The following ZNF469 variants were observed in gnomAD, a reference collection of about 807,000 sequenced individuals.
ZNF469 encodes zinc finger protein 469.
In ZNF469, 1 loss-of-function variant was observed where a neutral mutation model predicts 1.0. That is an observed-to-expected ratio of 1.00 (90% CI 0.35 to 4.73). ZNF469 has a LOEUF of 4.73. Ranked by LOEUF, ZNF469 falls within the 30% of genes most tolerant of loss-of-function variation. The probability of loss-of-function intolerance (pLI) is 0.16; values close to 1 mark genes in which losing one functional copy is unlikely to be tolerated. For synonymous variants in ZNF469, 2,703 were observed against 2,363.4 expected, an observed-to-expected ratio of 1.14 and a Z score of -4.17; for missense variants, 6,100 against 5,356.3, an observed-to-expected ratio of 1.14 and a Z score of -4.33.
the ZNF469 span, among the ~76,000 whole-genome samples, chr16:88,111,043 G>T: frequency 3.3e-5 from 5 of 152,224 alleles, no homozygotes; most frequent in African/African-American, 1.2e-4. Flanking sequence ...AGTGTCGAAG[G>T]CCCCTTGCTT....
the ZNF469 span, among the ~76,000 whole-genome samples, chr16:88,235,885 C>G: frequency 2.6e-5 from 4 of 152,182 alleles, no homozygotes; most frequent in South Asian, 6.2e-4. Flanking sequence ...CAGAGTCAGT[C>G]AATACTTGAC....
chr16:88,362,167 G>A, the ZNF469 span, among the ~76,000 whole-genome samples: 40 of 152,132 alleles, frequency 2.6e-4, no homozygotes, highest in Non-Finnish European at 4.4e-5. Context: ...GAATCAGTTT[G>A]TCAATTTCTA....
chr16:88,222,537 C>T, the ZNF469 span, among the ~76,000 whole-genome samples: 176 of 152,308 alleles, frequency 1.2e-3, no homozygotes, highest in African/African-American at 4.1e-3. Flanking sequence ...GCAGGTGGAT[C>T]GCCTGAGGTT....
At chr16:88,290,075 G>A in the ZNF469 span, among the ~76,000 whole-genome samples, 9 of 152,208 alleles carry the variant, frequency 5.9e-5, no homozygotes, top group African/African-American at 1.9e-4. Flanking sequence ...AGACAGCAGC[G>A]ATGGACATCG....
the ZNF469 span, among the ~76,000 whole-genome samples, chr16:88,116,992 C>T: frequency 7.7e-3 from 1,118 of 145,350 alleles, 17 homozygotes; most frequent in African/African-American, 0.027. Context: ...CACACACACA[C>T]CAGGGCATGC....
chr16:88,162,363 C>CA, the ZNF469 span, among the ~76,000 whole-genome samples: 1,497 of 124,040 alleles, frequency 0.012, 13 homozygotes, highest in African/African-American at 0.029. Flanking sequence ...AGACATTCTT[C>CA]AAAAAAAAAA....
chr16:88,262,130 G>C, the ZNF469 span, among the ~76,000 whole-genome samples: 1 of 152,178 alleles, frequency 6.6e-6, no homozygotes, highest in African/African-American at 2.4e-5. The surrounding 1 kb of genome is among the most constrained non-coding windows in gnomAD (Gnocchi z 4.3). Flanking sequence ...CTGGATTGTA[G>C]AGACTATGTC....
chr16:88,137,608 A>G, the ZNF469 span, among the ~76,000 whole-genome samples: 914 of 152,282 alleles, frequency 6.0e-3, 7 homozygotes, highest in Non-Finnish European at 9.5e-3. Context: ...GAATACAGCT[A>G]TGCGTGCATA....
At chr16:88,203,358 G>T in the ZNF469 span, among the ~76,000 whole-genome samples, 1 of 152,160 alleles carries the variant, frequency 6.6e-6, no homozygotes, top group Non-Finnish European at 1.5e-5. Context: ...CACCGTCAGC[G>T]AGTCCGCACA....
the ZNF469 span, among the ~76,000 whole-genome samples, chr16:88,181,721 T>G: frequency 1.3e-5 from 2 of 152,212 alleles, no homozygotes; most frequent in South Asian, 2.1e-4. Flanking sequence ...CTCCAATCAG[T>G]AATCTAAGCT....
chr16:88,390,702 G>C (rs192941371), intron 1 of ZNF469, among the ~76,000 whole-genome samples: 1 of 152,346 alleles, frequency 6.6e-6, no homozygotes, highest in African/African-American at 2.4e-5. Context: ...AGGTAGACTA[G>C]GGAGACAGGC....
chr16:88,187,549 C>A, the ZNF469 span, among the ~76,000 whole-genome samples: 1 of 152,174 alleles, frequency 6.6e-6, no homozygotes, highest in Non-Finnish European at 1.5e-5. Context: ...ACCCCAACAA[C>A]TGCTCCCCAC....
At position 88,409,262 on chromosome 16, in the gene ZNF469, C is replaced by T. The variant is rs116394523; in HGVS notation, c.-191-15545C>T. ...CCCACCTGCAAAGAGGCGATGATGA[C>T]GAGGTCTCTTGGAGCCATCTGTGAA... is the stretch of plus-strand genomic sequence containing the variant. On this transcript the variant is annotated intron_variant, in intron 1 of 2. Transcript: ENST00000565624. 2.3e-3 allele frequency among the ~76,000 whole-genome samples: 345 copies of T among 152,378 alleles called. 2 individuals are homozygous for T. Among genetic ancestry groups the T allele is most frequent in the African/African-American group, 7.2e-3 (298 of 41,590 alleles).
the ZNF469 span, among the ~76,000 whole-genome samples, chr16:88,271,052 G>A: frequency 6.6e-6 from 1 of 152,178 alleles, no homozygotes; most frequent in Non-Finnish European, 1.5e-5. Flanking sequence ...GTGTGACTTG[G>A]AATGAGTCGC....
chr16:88,162,949 G>A, the ZNF469 span, among the ~76,000 whole-genome samples: 5 of 152,244 alleles, frequency 3.3e-5, no homozygotes, highest in Admixed American at 3.3e-4. Flanking sequence ...AAAGTTGGAT[G>A]GACGGATGGT....
At chr16:88,318,265 A>G in the ZNF469 span, among the ~76,000 whole-genome samples, 1 of 152,166 alleles carries the variant, frequency 6.6e-6, no homozygotes, top group African/African-American at 2.4e-5. Flanking sequence ...CCAACTGCAA[A>G]GCCCCCAGTG....
the ZNF469 span, among the ~76,000 whole-genome samples, chr16:88,268,004 C>G: frequency 6.6e-6 from 1 of 151,896 alleles, no homozygotes; most frequent in African/African-American, 2.4e-5. Flanking sequence ...CTGCCATCCT[C>G]TGGGTTTTGA....
intron 1 of ZNF469, among the ~76,000 whole-genome samples, chr16:88,414,971 C>A (rs1397390159): frequency 6.6e-6 from 1 of 152,234 alleles, no homozygotes; most frequent in African/African-American, 2.4e-5. Flanking sequence ...CAGGGTCAGC[C>A]GCGCCAGGGC....
chr16:88,427,483 C>A lies in ZNF469; in HGVS notation c.13C>A (p.Arg5Ser). 1 of 1,516,142 alleles carries A rather than the reference C, an allele frequency of 6.6e-7. No individual in the cohort carries two copies. The allele number at this position is 1,516,142 out of a possible 1,614,324, so 93.9% of individuals were successfully genotyped here. ...GGACGGAGGGGCCATGCCTGGGGAGCGCCCCCGAGGAGCGCCGCCCCCCAC... is the reference window on the plus strand; with the variant it reads ...GGACGGAGGGGCCATGCCTGGGGAGAGCCCCCGAGGAGCGCCGCCCCCCAC... MPGE[R>S]PRGAPPPTMT... The change falls in exon 3 of 3, where the codon CGC becomes AGC. Residue 5 changes from arginine (R) to serine (S), a missense_variant. Transcript: ENST00000565624.
Sources: gnomAD v4.1 joint callset for allele counts (sites outside exome capture counted in the v4.1 genomes callset) on GRCh38, gnomAD v4.1.1 for gene constraint, Gnocchi (gnomAD v3.1) non-coding constraint, MANE v1.5 for transcripts, NCBI Gene and HGNC (gene_info 2026-07-23, HGNC 2026-07-21) for gene names.